The following DST variants were observed in gnomAD, a reference collection of about 807,000 sequenced individuals.
The protein encoded by DST is dystonin, also known as bullous pemphigoid antigen.
In DST, 253 loss-of-function variants were observed where a neutral mutation model predicts 875.2. The ratio of observed to expected loss-of-function variants is 0.29; its 90% confidence interval spans 0.26 to 0.32. The LOEUF (loss-of-function observed/expected upper bound fraction) is 0.32, where lower values mean the gene tolerates loss of function less well. Ranked by LOEUF, DST falls within the 10% of genes least tolerant of loss-of-function variation. The pLI is 1.00. For missense variants in DST, 8,287 were observed against 9,111.6 expected, an observed-to-expected ratio of 0.91 and a Z score of 3.68; for synonymous variants, 3,124 against 3,197.1, an observed-to-expected ratio of 0.98 and a Z score of 0.77.
chr6:56,853,269 A>ATAAAATTGATT (rs1766182286), intron 3 of DST, among the ~76,000 whole-genome samples: 1 of 152,214 alleles, frequency 6.6e-6, no homozygotes, highest in Admixed American at 6.5e-5. Flanking sequence ...CAAAAAGTAA[A>ATAAAATTGATT]TAAAATTGAT....
chr6:56,498,565 A>C (rs1156809168), intron 80 of DST, among the ~76,000 whole-genome samples: 1 of 152,132 alleles, frequency 6.6e-6, no homozygotes, highest in Non-Finnish European at 1.5e-5. Flanking sequence ...ATTATAATTA[A>C]AAGGTTCTAA....
intron 4 of DST, among the ~76,000 whole-genome samples, chr6:56,784,756 C>T (rs759653260): frequency 2.6e-5 from 4 of 152,172 alleles, no homozygotes; most frequent in Admixed American, 6.5e-5. Context: ...AGCTTTGTTC[C>T]GTTGCTGGTG....
At chr6:56,657,047 C>T (rs144275896) in intron 10 of DST, among the ~76,000 whole-genome samples, 1 of 152,114 alleles carries the variant, frequency 6.6e-6, no homozygotes. Flanking sequence ...GTTTCTCCCC[C>T]CTCCCTCAGG....
intron 4 of DST, among the ~76,000 whole-genome samples, chr6:56,749,519 C>G (rs2099581520): frequency 6.6e-6 from 1 of 152,040 alleles, no homozygotes. Context: ...TCAGATATAC[C>G]TTAATACACG....
At chr6:56,578,504 T>A (rs1178833711) in intron 50 of DST, among the ~76,000 whole-genome samples, 1 of 152,190 alleles carries the variant, frequency 6.6e-6, no homozygotes, top group Non-Finnish European at 1.5e-5. Flanking sequence ...CCCAATCCCA[T>A]CAACCAAGAG....
chr6:56,731,664 C>T lies in DST; in HGVS notation c.687+3564G>A, dbSNP rs180990307. 5.3e-5 allele frequency among the ~76,000 whole-genome samples: 8 copies of T among 152,148 alleles called. No individual in the cohort carries two copies. In the South Asian group the frequency reaches 6.2e-4, roughly 12 times the overall value. On this transcript the variant is annotated intron_variant, in intron 5 of 103. Transcript: ENST00000680361. ...CCTGATTCTTTTTAATGTTGTATTT[C>T]GCTGTTTGGATGTATCATAATTATT...
Position 56,608,367 on chromosome 6 carries a change from C to T in DST, c.6261G>A (p.Leu2087=). The T allele has an allele frequency of 6.2e-7, 1 of 1,612,722 alleles. No homozygotes were observed. Among genetic ancestry groups the T allele is most frequent in the Non-Finnish European group, 8.5e-7 (1 of 1,179,772 alleles). Residue 2087 remains leucine, a synonymous_variant, in exon 40 of 104, where the codon TTG becomes TTA. Transcript: ENST00000680361. ...ATTCATTTGTAATCAATTCTTGCTG[C>T]AAGGAAGATGATGTGGGAAATATTT... The part of the protein sequence containing the change: ...SGEIFPTSSS[L]QQELITNELA...
chr6:56,477,964 A>C (rs2095265897), intron 90 of DST, among the ~76,000 whole-genome samples: 1 of 152,190 alleles, frequency 6.6e-6, no homozygotes, highest in African/African-American at 2.4e-5. Context: ...CATCCATTTT[A>C]TTTTTGAATA....
At chr6:56,681,269 C>A (rs1357249114) in intron 9 of DST, among the ~76,000 whole-genome samples, 1 of 152,102 alleles carries the variant, frequency 6.6e-6, no homozygotes, top group African/African-American at 2.4e-5. Context: ...CCTCTGTGCC[C>A]ACATCCAATT....
chr6:56,666,176 TG>T (rs1489203786), intron 10 of DST, among the ~76,000 whole-genome samples: 6 of 149,652 alleles, frequency 4.0e-5, no homozygotes, highest in Non-Finnish European at 7.4e-5. Flanking sequence ...ATACTCTTTA[TG>T]GGGCTAACAA....
intron 49 of DST, among the ~76,000 whole-genome samples, chr6:56,581,979 CT>C (rs201781699): frequency 1.3e-4 from 20 of 151,608 alleles, no homozygotes; most frequent in African/African-American, 2.4e-4. Context: ...CCATTTAAAG[CT>C]TTTTTTTTCC....
Position 56,492,972 on chromosome 6 carries a change from T to A in DST, c.20512A>T (p.Ile6838Phe). Reference sequence around the variant, plus strand: ...ATTTGAAATAAGACTGTGTCCAAGATGAGACTTGGCCGAGAAGCTACATTT... The same window carrying A: ...ATTTGAAATAAGACTGTGTCCAAGAAGAGACTTGGCCGAGAAGCTACATTT... ...TLNVASRPSL[I>F]LDTVLFQIDE... Residue 6838 changes from isoleucine (I) to phenylalanine (F), a missense_variant, in exon 84 of 104, where the codon ATC becomes TTC. This residue lies in a region of DST where 1,292 missense variants were observed against 1,552.7 expected (regional missense o/e 0.83). Transcript: ENST00000680361. 1 of 1,612,278 alleles carries A rather than the reference T, an allele frequency of 6.2e-7. No homozygotes were observed. The highest frequency in any genetic ancestry group is 1.7e-5 in the Admixed American group (1 of 59,842).
At chr6:56,703,459 A>C (rs1160826876) in intron 7 of DST, among the ~76,000 whole-genome samples, 189 bp downstream of exon 7, 2 of 152,172 alleles carry the variant, frequency 1.3e-5, no homozygotes, top group East Asian at 1.9e-4. Flanking sequence ...AGCTCTCTGA[A>C]GATAATTTAA....
chr6:56,642,336 G>A, intron 16 of DST, 74 bp downstream of exon 16: 3 of 1,093,556 alleles, frequency 2.7e-6, no homozygotes, highest in African/African-American at 1.5e-5. Context: ...CAAACATTAT[G>A]TAAAAGTTTT....
rs145566792 is a variant in DST, at chr6:56,511,994, C to T, written c.18577-594G>A. Among the ~76,000 whole-genome samples, 116 of 151,980 alleles carry T rather than the reference C, an allele frequency of 7.6e-4. 1 individual carries two copies. The East Asian group carries it at 0.02, about 27-fold the overall frequency. ...CCACAAGGCATTGCATTTATATATGCGGACTGATATAAAATGAATGAACAT... is the reference window on the plus strand; with the variant it reads ...CCACAAGGCATTGCATTTATATATGTGGACTGATATAAAATGAATGAACAT... On this transcript the variant is annotated intron_variant, in intron 72 of 103. Coordinates refer to ENST00000680361, the MANE Select transcript of DST (RefSeq NM_001374736.1).
Position 56,560,346 on chromosome 6 carries a change from C to T in DST, c.14388G>A (p.Glu4796=). 6.2e-7 allele frequency: 1 copy of T among 1,610,360 alleles called. No homozygotes were observed. Among genetic ancestry groups the T allele is most frequent in the Non-Finnish European group, 8.5e-7 (1 of 1,178,044 alleles). The change falls in exon 58 of 104, where the codon GAG becomes GAA. Residue 4796 remains glutamate (E), a synonymous_variant. Transcript: ENST00000680361. The part of the protein sequence containing the change: ...LKDKLTELLE[E]NPDTPEAPRW... The stretch of plus-strand genomic sequence containing the variant: ...TGGGGGCCTCAGGAGTATCTGGGTT[C>T]TCCTCCAACAGCTCTGTCAATTTGT...
intron 49 of DST, among the ~76,000 whole-genome samples, chr6:56,587,427 G>A (rs2098177167): frequency 1.3e-5 from 2 of 152,160 alleles, no homozygotes; most frequent in African/African-American, 4.8e-5. Context: ...GACCAAATCT[G>A]CATCTGATCA....
At chr6:56,752,906 C>T (rs1280377724) in intron 4 of DST, among the ~76,000 whole-genome samples, 1 of 152,102 alleles carries the variant, frequency 6.6e-6, no homozygotes, top group Non-Finnish European at 1.5e-5. Flanking sequence ...ATTCTCCTGC[C>T]TCAGCCTCCT....
intron 34 of DST, 61 bp from the exon 35 acceptor site, chr6:56,625,325 C>G: frequency 9.4e-7 from 1 of 1,065,730 alleles, no homozygotes. Context: ...TTTCATTCTA[C>G]AATAATTTAA....
Sources: gnomAD v4.1 joint callset for allele counts (sites outside exome capture counted in the v4.1 genomes callset) on GRCh38, gnomAD v4.1.1 for gene constraint, gnomAD v4.1.1 regional missense constraint, MANE v1.5 for transcripts, NCBI Gene and HGNC (gene_info 2026-07-23, HGNC 2026-07-21) for gene names.